KIF16B: variants seen among roughly 807,000 people sequenced by gnomAD.
The protein encoded by KIF16B is kinesin-like protein KIF16B.
A neutral mutation model predicts 156.3 loss-of-function variants in KIF16B; 98 were observed. That is an observed-to-expected ratio of 0.63 (90% CI 0.53 to 0.74). The LOEUF (loss-of-function observed/expected upper bound fraction) is 0.74, where lower values mean the gene tolerates loss of function less well. Among genes scored for constraint, KIF16B ranks in the 30% least tolerant of loss-of-function variants. The probability of loss-of-function intolerance (pLI) is 0.00; values close to 1 mark genes in which losing one functional copy is unlikely to be tolerated. For missense variants in KIF16B, 1,421 were observed against 1,606.5 expected, an observed-to-expected ratio of 0.88 and a Z score of 1.97; for synonymous variants, 564 against 583.7, an observed-to-expected ratio of 0.97 and a Z score of 0.49.
chr20:16,278,977 T>C lies in KIF16B; in HGVS notation c.3796-5566A>G, dbSNP rs541978259. Among the ~76,000 whole-genome samples the C allele has an allele frequency of 3.3e-5, 5 of 152,264 alleles. No homozygotes were observed. In the East Asian group the frequency reaches 9.7e-4, roughly 29 times the overall value. On this transcript the variant is annotated intron_variant, in intron 25 of 25. Transcript: ENST00000354981. The stretch of plus-strand genomic sequence containing the variant: ...GCACTGGTTCTTCAGAGTTAAAAGT[T>C]CTTTACAAACACGGGGAAGGTCCTG...
At chr20:16,463,184 A>G (rs560463590) in intron 12 of KIF16B, among the ~76,000 whole-genome samples, 1 of 152,176 alleles carries the variant, frequency 6.6e-6, no homozygotes, top group Non-Finnish European at 1.5e-5. Context: ...CAGGAAAGAG[A>G]GCTTTTCTCT....
chr20:16,297,222 TCTCTCCC>T (rs2063400799), intron 25 of KIF16B, among the ~76,000 whole-genome samples: 2 of 152,130 alleles, frequency 1.3e-5, no homozygotes, highest in South Asian at 2.1e-4. Context: ...ATGAATCAGG[TCTCTCCC>T]CATCATTGCT....
chr20:16,340,001 C>G (rs944363464), intron 23 of KIF16B, among the ~76,000 whole-genome samples: 1 of 152,086 alleles, frequency 6.6e-6, no homozygotes, highest in African/African-American at 2.4e-5. Flanking sequence ...TATGAAGCAT[C>G]CTCATAACAT....
Position 16,512,833 on chromosome 20 carries a change from C to T in KIF16B, c.439G>A (p.Glu147Lys). The T allele has an allele frequency of 6.2e-7, 1 of 1,612,496 alleles. No individual in the cohort carries two copies. ...TRWDEASFRT[E>K]VSYLEIYNER... The stretch of plus-strand genomic sequence containing the variant: ...CCAGGCCACAGGCCCTACCTGACTT[C>T]AGTTCGAAAAGAAGCTTCATCCCAT... The change falls in exon 5 of 26, where the codon GAA (glutamate) becomes AAA (lysine). Residue 147 changes from glutamate (E) to lysine (K), a missense_variant. By Grantham distance (56) the Glu-to-Lys change is moderately conservative. Transcript: ENST00000354981.
intron 7 of KIF16B, among the ~76,000 whole-genome samples, chr20:16,506,964 G>A (rs998096527): frequency 8.6e-5 from 13 of 151,676 alleles, no homozygotes; most frequent in African/African-American, 2.7e-4. Context: ...TTAGCTGGGC[G>A]TGGTGTTGTG....
intron 4 of KIF16B, among the ~76,000 whole-genome samples, chr20:16,513,717 C>G (rs2069040843): frequency 6.6e-6 from 1 of 150,994 alleles, no homozygotes; most frequent in Non-Finnish European, 1.5e-5. Context: ...ACAGAGTAAC[C>G]CCTACCCTGG....
chr20:16,512,242 G>C (rs114676412), intron 5 of KIF16B, among the ~76,000 whole-genome samples: 1 of 152,238 alleles, frequency 6.6e-6, no homozygotes, highest in African/African-American at 2.4e-5. Flanking sequence ...AATACCCAGA[G>C]ATAGGTACCA....
chr20:16,442,378 CCTAT>C (rs1189329255), intron 12 of KIF16B, among the ~76,000 whole-genome samples: 13 of 144,564 alleles, frequency 9.0e-5, no homozygotes, highest in African/African-American at 3.4e-4. Flanking sequence ...AAAATAGGTG[CCTAT>C]CTAATGCGAT....
intron 17 of KIF16B, among the ~76,000 whole-genome samples, chr20:16,403,776 C>A (rs2065714329): frequency 6.6e-6 from 1 of 152,194 alleles, no homozygotes; most frequent in African/African-American, 2.4e-5. Flanking sequence ...CTGCTTTCCA[C>A]AAACCAGAAC....
At chr20:16,523,551 A>G (rs760714621) in intron 3 of KIF16B, among the ~76,000 whole-genome samples, 16 of 152,346 alleles carry the variant, frequency 1.1e-4, no homozygotes, top group Non-Finnish European at 2.2e-4. Flanking sequence ...AAACAAATGG[A>G]AAAACATTCC....
chr20:16,374,108 T>C (rs754368287), intron 20 of KIF16B, 149 bp downstream of exon 20: 35 of 717,302 alleles, frequency 4.9e-5, no homozygotes, highest in Admixed American at 2.3e-4. Flanking sequence ...GGCAGGCCAA[T>C]GGCAGATGAA....
intron 1 of KIF16B, among the ~76,000 whole-genome samples, chr20:16,545,893 G>A (rs1392113155): frequency 1.3e-5 from 2 of 149,306 alleles, no homozygotes; most frequent in African/African-American, 4.9e-5. Flanking sequence ...AATGTTCTCA[G>A]TGGCAGCTTA....
intron 1 of KIF16B, among the ~76,000 whole-genome samples, chr20:16,562,625 C>T (rs1420480629): frequency 6.6e-6 from 1 of 152,104 alleles, no homozygotes; most frequent in Non-Finnish European, 1.5e-5. Context: ...CAGGTCTTCC[C>T]GGCACAGTTC....
chr20:16,534,114 C>T (rs913283255), intron 1 of KIF16B, among the ~76,000 whole-genome samples: 69 of 152,022 alleles, frequency 4.5e-4, no homozygotes, highest in Non-Finnish European at 6.5e-4. Context: ...AAAAATTAGC[C>T]GAGCATGGTG....
intron 21 of KIF16B, 107 bp from the exon 22 acceptor site, chr20:16,370,743 A>ACC (rs2064798163): frequency 2.1e-5 from 17 of 799,742 alleles, no homozygotes; most frequent in East Asian, 5.9e-5. Context: ...AAATAAACAT[A>ACC]CTTGTCATTC....
Position 16,374,424 on chromosome 20 carries a change from G to T in KIF16B, c.3198-15C>A. 1 of 1,515,140 alleles carries T rather than the reference G, an allele frequency of 6.6e-7. No homozygotes were observed. Among genetic ancestry groups the T allele is most frequent in the South Asian group, 1.4e-5 (1 of 73,250 alleles). 93.9% of individuals were successfully genotyped at this position (1,515,140 alleles called of 1,614,324 possible). A position where few individuals can be genotyped will look rare whatever the true frequency, so the allele number is the denominator to read the frequency against. ...CATATTCTAACCTACACAGATAGGA[G>T]CCACATAATTCATTCATTAATAGTA... On this transcript the variant is annotated splice_polypyrimidine_tract_variant and intron_variant, in intron 19 of 25. Transcript: ENST00000354981.
intron 1 of KIF16B, among the ~76,000 whole-genome samples, chr20:16,559,757 G>A (rs1367522760): frequency 6.7e-6 from 1 of 149,238 alleles, no homozygotes; most frequent in African/African-American, 2.5e-5. Context: ...CAGCCTGGGT[G>A]ACAGAGCAAA....
intron 1 of KIF16B, among the ~76,000 whole-genome samples, chr20:16,561,801 T>C (rs951707113): frequency 6.6e-6 from 1 of 152,126 alleles, no homozygotes; most frequent in African/African-American, 2.4e-5. Context: ...TGATAAAACA[T>C]CAGAGAAAGC....
intron 12 of KIF16B, among the ~76,000 whole-genome samples, chr20:16,456,342 C>G (rs1234689593): frequency 6.6e-6 from 1 of 152,090 alleles, no homozygotes; most frequent in Non-Finnish European, 1.5e-5. Flanking sequence ...AATGTCTTTG[C>G]AATAGATTGC....
Sources: allele counts gnomAD v4.1 joint callset (sites outside exome capture counted in the v4.1 genomes callset), GRCh38; gene constraint gnomAD v4.1.1; transcripts MANE v1.5; gene names NCBI Gene and HGNC (gene_info 2026-07-23, HGNC 2026-07-21).